PDE3A: variants seen among roughly 807,000 people sequenced by gnomAD.
The protein encoded by PDE3A is cGMP-inhibited 3',5'-cyclic phosphodiesterase 3A.
PDE3A carries 43 observed loss-of-function variants against 98.3 expected under a neutral mutation model. That is an observed-to-expected ratio of 0.44 (90% CI 0.34 to 0.56). PDE3A has a LOEUF of 0.56. Ranked by LOEUF, PDE3A falls within the 20% of genes least tolerant of loss-of-function variation. PDE3A has a pLI of 0.01. For synonymous variants in PDE3A, 663 were observed against 567.9 expected (o/e 1.17, Z -2.38); for missense variants, 1,427 against 1,440.7 (o/e 0.99, Z 0.15).
chr12:20,562,583 T>C (rs1592060064), intron 2 of PDE3A, among the ~76,000 whole-genome samples: 1 of 152,136 alleles, frequency 6.6e-6, no homozygotes, highest in East Asian at 1.9e-4. Context: ...GCCAATAATT[T>C]ACTTATCACT....
intron 1 of PDE3A, among the ~76,000 whole-genome samples, chr12:20,524,514 C>G (rs1323263961): frequency 6.6e-6 from 1 of 151,950 alleles, no homozygotes. Flanking sequence ...GCTACTTAGG[C>G]CAGCTTTTAA....
intron 6 of PDE3A, among the ~76,000 whole-genome samples, chr12:20,630,707 A>G (rs1328439224): frequency 1.3e-5 from 2 of 152,208 alleles, no homozygotes; most frequent in South Asian, 2.1e-4. Context: ...ATGGCCTAGC[A>G]TGGCTGGAGT....
intron 1 of PDE3A, among the ~76,000 whole-genome samples, chr12:20,402,518 T>C (rs1374469507): frequency 2.0e-5 from 3 of 152,150 alleles, no homozygotes; most frequent in Non-Finnish European, 2.9e-5. Flanking sequence ...TAAAATCATT[T>C]ACTAAGTCCC....
At chr12:20,590,731 A>G (rs1943318071) in intron 2 of PDE3A, among the ~76,000 whole-genome samples, 1 of 152,162 alleles carries the variant, frequency 6.6e-6, no homozygotes, top group South Asian at 2.1e-4. Flanking sequence ...TAAATTATAC[A>G]TTCCCACCCT....
intron 1 of PDE3A, among the ~76,000 whole-genome samples, chr12:20,423,144 A>G (rs1448259079): frequency 6.6e-6 from 1 of 152,236 alleles, no homozygotes; most frequent in Non-Finnish European, 1.5e-5. Flanking sequence ...TTTATATAAA[A>G]CATTTTAATG....
chr12:20,407,482 G>T (rs1944253033), intron 1 of PDE3A, among the ~76,000 whole-genome samples: 1 of 152,202 alleles, frequency 6.6e-6, no homozygotes, highest in South Asian at 2.1e-4. Context: ...GGTATTCTTG[G>T]TGTAGAAGTG....
At chr12:20,520,708 T>G (rs1406613804) in intron 1 of PDE3A, among the ~76,000 whole-genome samples, 1 of 152,184 alleles carries the variant, frequency 6.6e-6, no homozygotes, top group Non-Finnish European at 1.5e-5. Context: ...CTCTGCCGCT[T>G]CTTGGCTTTG....
At chr12:20,470,950 C>G (rs1945428577) in intron 1 of PDE3A, among the ~76,000 whole-genome samples, 1 of 151,992 alleles carries the variant, frequency 6.6e-6, no homozygotes, top group African/African-American at 2.4e-5. Flanking sequence ...TCCATGTCCT[C>G]ACATGTGAGG....
chr12:20,530,660 C>A (rs549448097), intron 1 of PDE3A, among the ~76,000 whole-genome samples: 1 of 151,922 alleles, frequency 6.6e-6, no homozygotes, highest in East Asian at 1.9e-4. Context: ...AGAATTGGTG[C>A]TATGGAAAAG....
intron 1 of PDE3A, among the ~76,000 whole-genome samples, chr12:20,466,903 A>G (rs771486198): frequency 3.7e-4 from 56 of 152,156 alleles, no homozygotes; most frequent in Non-Finnish European, 1.5e-4. Context: ...TGTGTGCTTA[A>G]GTCATTTTAT....
chr12:20,477,808 A>G (rs1247470191), intron 1 of PDE3A, among the ~76,000 whole-genome samples: 1 of 152,230 alleles, frequency 6.6e-6, no homozygotes, highest in East Asian at 1.9e-4. Flanking sequence ...TGAAAACGCC[A>G]TAGCAACCTG....
At chr12:20,378,743 T>C (rs1469756588) in intron 1 of PDE3A, among the ~76,000 whole-genome samples, 2 of 151,922 alleles carry the variant, frequency 1.3e-5, no homozygotes, top group East Asian at 3.9e-4. Context: ...AGTTTATACT[T>C]GAATGTAACT....
At chr12:20,582,037 A>G (rs572478857) in intron 2 of PDE3A, among the ~76,000 whole-genome samples, 2 of 151,502 alleles carry the variant, frequency 1.3e-5, no homozygotes, top group East Asian at 3.9e-4. Flanking sequence ...TTAGGTTGGG[A>G]TTTTTTTTTA....
chr12:20,644,928 A>C, intron 10 of PDE3A, among the ~76,000 whole-genome samples: 1 of 120,574 alleles, frequency 8.3e-6, no homozygotes, highest in African/African-American at 3.2e-5. Context: ...TTACTCTTTC[A>C]CCCAGGCTGG....
intron 2 of PDE3A, among the ~76,000 whole-genome samples, chr12:20,590,101 C>G (rs558745962): frequency 6.6e-6 from 1 of 151,906 alleles, no homozygotes; most frequent in Admixed American, 6.6e-5. Flanking sequence ...TGCTCTATTA[C>G]GCAGCATATA....
At chr12:20,660,257 A>G (rs1039866893) in intron 15 of PDE3A, among the ~76,000 whole-genome samples, 1 of 152,184 alleles carries the variant, frequency 6.6e-6, no homozygotes, top group African/African-American at 2.4e-5. Flanking sequence ...AGGCCTCCAT[A>G]GCCCTGTCAG....
chr12:20,462,488 T>C (rs1372991651), intron 1 of PDE3A, among the ~76,000 whole-genome samples: 1 of 152,148 alleles, frequency 6.6e-6, no homozygotes, highest in Non-Finnish European at 1.5e-5. Context: ...AGACTTCATC[T>C]AAAACAACAA....
At chr12:20,599,545 T>C (rs575130739) in intron 2 of PDE3A, among the ~76,000 whole-genome samples, 1 of 152,222 alleles carries the variant, frequency 6.6e-6, no homozygotes, top group Non-Finnish European at 1.5e-5. Flanking sequence ...AGTCAACGTA[T>C]AAAAATTTGT....
chr12:20,599,217 GC>G (rs1476218530), intron 2 of PDE3A, among the ~76,000 whole-genome samples: 1 of 151,928 alleles, frequency 6.6e-6, no homozygotes, highest in African/African-American at 2.4e-5. Context: ...TTTCTGCTCT[GC>G]CCCCCACTTA....
Sources: gnomAD v4.1 joint callset for allele counts (sites outside exome capture counted in the v4.1 genomes callset) on GRCh38, gnomAD v4.1.1 for gene constraint, MANE v1.5 for transcripts, NCBI Gene and HGNC (gene_info 2026-07-23, HGNC 2026-07-21) for gene names.